Variants in ARSJ observed in about 807,000 individuals in gnomAD.
The protein encoded by ARSJ is arylsulfatase family member J.
Under a neutral mutation model 35.9 loss-of-function variants are expected in ARSJ, and 26 were observed. The ratio of observed to expected loss-of-function variants is 0.72; its 90% CI spans 0.53 to 1.00. The LOEUF is 1.00. ARSJ is among the 50% of genes least tolerant of loss of function. The probability of loss-of-function intolerance (pLI) is 0.00; values close to 1 mark genes in which losing one functional copy is unlikely to be tolerated. For missense variants in ARSJ, 667 were observed against 723.6 expected, an observed-to-expected ratio of 0.92 and a Z score of 0.90; for synonymous variants, 294 against 267.6, an observed-to-expected ratio of 1.10 and a Z score of -0.96.
intron 1 of ARSJ, among the ~76,000 whole-genome samples, chr4:113,906,074 A>T (rs1017236942): frequency 5.3e-5 from 8 of 152,186 alleles, no homozygotes; most frequent in Non-Finnish European, 8.8e-5. Context: ...AAAAAAACTA[A>T]TTTTTCACAC....
chr4:113,900,738 C>T lies in ARSJ; in HGVS notation c.*1536G>A, dbSNP rs949344213. 2.0e-5 allele frequency: 3 copies of T among 152,066 alleles called. No homozygotes were observed. The highest frequency in any genetic ancestry group is 7.3e-5 in the African/African-American group (3 of 41,378). The allele number at this position is 152,066 out of a possible 1,614,324, so 9.4% of individuals were successfully genotyped here. ...GGAGAGGGCACTTCAAAGAAAACAC[C>T]AGGGTCTACAGGATCCACACCAATC... is the stretch of plus-strand genomic sequence containing the variant. On this transcript the variant is annotated 3_prime_UTR_variant, in exon 2 of 2. Transcript: ENST00000315366.
chr4:113,915,967 TA>T (rs1723269062), intron 1 of ARSJ, among the ~76,000 whole-genome samples: 1 of 152,234 alleles, frequency 6.6e-6, no homozygotes, highest in South Asian at 2.1e-4. Flanking sequence ...GAAAGGACAC[TA>T]ACTGGAAAGC....
At chr4:113,949,907 CA>C (rs1338276127) in intron 1 of ARSJ, among the ~76,000 whole-genome samples, 1 of 152,064 alleles carries the variant, frequency 6.6e-6, no homozygotes, top group Non-Finnish European at 1.5e-5. Flanking sequence ...ATTGCTATGG[CA>C]CACAGTTTGT....
In ARSJ at chr4:113,900,558, T is replaced by A. The variant is rs2149243831; in HGVS notation, c.*1716A>T. The A allele has an allele frequency of 6.6e-6, 1 of 152,288 alleles. No homozygotes were observed. The highest frequency in any genetic ancestry group is 2.4e-5 in the African/African-American group (1 of 41,558). The allele number at this position is 152,288 out of a possible 1,614,324, so 9.4% of individuals were successfully genotyped here. A position where few individuals can be genotyped will look rare whatever the true frequency, so the allele number is the denominator to read the frequency against. ...TGAGTTGTGATATAAATGGATTATATCACAGTCCTTTGAGCTGTGATGTAA... is the reference window on the plus strand; with the variant it reads ...TGAGTTGTGATATAAATGGATTATAACACAGTCCTTTGAGCTGTGATGTAA... On this transcript the variant is annotated 3_prime_UTR_variant, in exon 2 of 2. Transcript: ENST00000315366.
chr4:113,961,575 T>C (rs1449771181), intron 1 of ARSJ, among the ~76,000 whole-genome samples: 1 of 152,096 alleles, frequency 6.6e-6, no homozygotes, highest in Non-Finnish European at 1.5e-5. Context: ...CTTATGCAGG[T>C]TGGCCCATAA....
intron 1 of ARSJ, among the ~76,000 whole-genome samples, chr4:113,974,906 T>A (rs1206992304): frequency 6.6e-6 from 1 of 152,136 alleles, no homozygotes; most frequent in Non-Finnish European, 1.5e-5. Flanking sequence ...AACCCAACTA[T>A]GAAAACAACC....
At chr4:113,942,805 G>C (rs55993511) in intron 1 of ARSJ, among the ~76,000 whole-genome samples, 1 of 151,980 alleles carries the variant, frequency 6.6e-6, no homozygotes, top group East Asian at 1.9e-4. Flanking sequence ...TTACTAAATA[G>C]GATGCATGAT....
chr4:113,950,814 G>T (rs2149275025), intron 1 of ARSJ, among the ~76,000 whole-genome samples: 1 of 152,118 alleles, frequency 6.6e-6, no homozygotes, highest in African/African-American at 2.4e-5. Flanking sequence ...CTAGGCATAA[G>T]AATGGGAATT....
intron 1 of ARSJ, among the ~76,000 whole-genome samples, chr4:113,932,804 A>G (rs1416105422): frequency 1.3e-5 from 2 of 152,058 alleles, no homozygotes; most frequent in African/African-American, 2.4e-5. Context: ...AAGAAATAGA[A>G]AAGCAAGAAC....
intron 1 of ARSJ, among the ~76,000 whole-genome samples, chr4:113,933,425 T>A (rs756391285): frequency 7.2e-5 from 11 of 151,884 alleles, no homozygotes; most frequent in Non-Finnish European, 1.5e-4. Flanking sequence ...CCAATATCAG[T>A]GATGAACAGG....
chr4:113,912,318 A>T (rs889169056), intron 1 of ARSJ, among the ~76,000 whole-genome samples: 5 of 152,230 alleles, frequency 3.3e-5, no homozygotes, highest in Non-Finnish European at 7.3e-5. Flanking sequence ...CACTTACTAT[A>T]GAGAAGCCAG....
chr4:113,937,596 A>G (rs551134296), intron 1 of ARSJ, among the ~76,000 whole-genome samples: 8 of 152,198 alleles, frequency 5.3e-5, no homozygotes, highest in Non-Finnish European at 8.8e-5. Flanking sequence ...GAGGAGGTCA[A>G]ATTGTCTGTG....
At chr4:113,930,657 C>A (rs371448183) in intron 1 of ARSJ, among the ~76,000 whole-genome samples, 1 of 151,786 alleles carries the variant, frequency 6.6e-6, no homozygotes, top group Non-Finnish European at 1.5e-5. Context: ...CCATTTGACC[C>A]GGCCATCCCA....
intron 1 of ARSJ, among the ~76,000 whole-genome samples, chr4:113,969,232 G>A (rs1727088044): frequency 6.6e-6 from 1 of 152,100 alleles, no homozygotes; most frequent in Admixed American, 6.5e-5. Flanking sequence ...AACTAAAACA[G>A]TTTGCAAGTG....
At position 113,976,083 on chromosome 4, in the gene ARSJ, T is replaced by G. The variant is rs188896438; in HGVS notation, c.398+2354A>C. On this transcript the variant is annotated intron_variant, in intron 1 of 1. Transcript: ENST00000315366. Reference sequence around the variant, plus strand: ...GCCAGACTAGTATGATGTAAATTATTAAGGGAATCTGCAATTTGTTACAGA... The same window carrying G: ...GCCAGACTAGTATGATGTAAATTATGAAGGGAATCTGCAATTTGTTACAGA... Among the ~76,000 whole-genome samples, 553 of 152,296 alleles carry G rather than the reference T, an allele frequency of 3.6e-3. 2 individuals carry two copies. Among genetic ancestry groups the G allele is most frequent in the African/African-American group, 9.0e-3 (376 of 41,564 alleles).
rs915265651 is a variant in ARSJ at position 113,900,957 on chromosome 4, G to A, written c.*1317C>T. 1.3e-5 allele frequency: 2 copies of A among 152,048 alleles called. No individual in the cohort carries two copies. Among genetic ancestry groups the A allele is most frequent in the African/African-American group, 2.4e-5 (1 of 41,376 alleles). 9.4% of individuals were successfully genotyped at this position (152,048 alleles called of 1,614,324 possible). ...TTTATTACTTTTAATGGGAAAAACC[G>A]CAACTAGTTTTGCACCAACCTAATA... On this transcript the variant is annotated 3_prime_UTR_variant, in exon 2 of 2. Transcript: ENST00000315366.
At chr4:113,924,865 T>C (rs1723952997) in intron 1 of ARSJ, among the ~76,000 whole-genome samples, 1 of 152,178 alleles carries the variant, frequency 6.6e-6, no homozygotes, top group Non-Finnish European at 1.5e-5. Context: ...TATTGATGAC[T>C]ACCTTCTTCT....
chr4:113,906,758 G>T (rs536662476), intron 1 of ARSJ: 3 of 456,066 alleles, frequency 6.6e-6, no homozygotes, highest in African/African-American at 6.0e-5. Context: ...GTAAAATAGG[G>T]ATAATAATAC....
chr4:113,916,392 C>A (rs1723300394), intron 1 of ARSJ, among the ~76,000 whole-genome samples: 1 of 152,090 alleles, frequency 6.6e-6, no homozygotes, highest in Non-Finnish European at 1.5e-5. Flanking sequence ...TAGCAGCACA[C>A]CAATGCCACA....
Sources: allele counts gnomAD v4.1 joint callset (sites outside exome capture counted in the v4.1 genomes callset), GRCh38; gene constraint gnomAD v4.1.1; transcripts MANE v1.5; gene names NCBI Gene and HGNC (gene_info 2026-07-23, HGNC 2026-07-21).